ATXN7: variants seen among roughly 807,000 people sequenced by gnomAD.
ATXN7 encodes the protein ataxin-7.
Under a neutral mutation model 70.5 loss-of-function variants are expected in ATXN7, and 12 were observed. The ratio of observed to expected loss-of-function variants is 0.17; its 90% CI spans 0.11 to 0.28. The LOEUF is 0.28. ATXN7 is among the 10% of genes least tolerant of loss of function. ATXN7 has a pLI of 1.00. For missense variants in ATXN7, 1,256 were observed against 1,131.7 expected (o/e 1.11, Z -1.58); for synonymous variants, 498 against 448.7 (o/e 1.11, Z -1.39).
At chr3:63,990,707 A>T (rs1483941288) in intron 10 of ATXN7, 31 bp from the exon 11 acceptor site, 25 of 1,613,920 alleles carry the variant, frequency 1.5e-5, no homozygotes, top group Non-Finnish European at 1.9e-5. Flanking sequence ...TGTGGGAGTC[A>T]GCAAGCACGC....
rs527676419 is a variant in ATXN7 at position 63,995,710 on chromosome 3, G to A, written c.1888G>A (p.Ala630Thr). Reference protein sequence around the residue: ...AHGTTLNAQPAASGAMDPVCS... With the variant: ...AHGTTLNAQPTASGAMDPVCS... ...TGGAACCACACTAAATGCACAGCCT[G>A]CTGCTTCAGGGGCGATGGATCCTGT... The change falls in exon 12 of 13, where the codon GCT (alanine) becomes ACT (threonine). Residue 630 changes from alanine to threonine, a missense_variant. Ala to Thr is a moderately conservative substitution (Grantham distance 58). Coordinates refer to ENST00000674280, the MANE Select transcript of ATXN7 (RefSeq NM_001377405.1). The A allele has an allele frequency of 6.2e-7, 1 of 1,614,200 alleles. No individual in the cohort carries two copies. Among genetic ancestry groups the A allele is most frequent in the African/African-American group, 1.3e-5 (1 of 75,058 alleles).
intron 2 of ATXN7, chr3:63,900,861 C>T (rs1019981857): frequency 6.6e-6 from 1 of 152,298 alleles, no homozygotes; most frequent in Non-Finnish European, 1.5e-5. Context: ...AGAGGAGGCA[C>T]AAGTTCAAAA....
At chr3:63,874,353 T>C (rs1425388502) in intron 1 of ATXN7, among the ~76,000 whole-genome samples, 2 of 152,212 alleles carry the variant, frequency 1.3e-5, no homozygotes, top group African/African-American at 4.8e-5. Flanking sequence ...GCTAATACTT[T>C]AAAATACGCA....
intron 11 of ATXN7, among the ~76,000 whole-genome samples, chr3:63,992,120 C>T (rs1417054433): frequency 6.6e-6 from 1 of 152,176 alleles, no homozygotes; most frequent in Non-Finnish European, 1.5e-5. Flanking sequence ...TCTGCCAGTA[C>T]ATTCATTTGA....
At chr3:63,997,840 A>G in intron 12 of ATXN7, 1 of 985,094 alleles carries the variant, frequency 1.0e-6, no homozygotes, top group Non-Finnish European at 1.2e-6. Context: ...TGGGTGAATT[A>G]ACACCCATTG....
chr3:63,869,047 G>A (rs1702519623), intron 1 of ATXN7, among the ~76,000 whole-genome samples: 1 of 152,144 alleles, frequency 6.6e-6, no homozygotes, highest in Non-Finnish European at 1.5e-5. Flanking sequence ...TGTGAGATAC[G>A]TAAATAAAAT....
chr3:63,867,964 C>T, intron 1 of ATXN7, among the ~76,000 whole-genome samples: 1 of 152,154 alleles, frequency 6.6e-6, no homozygotes, highest in East Asian at 1.9e-4. Flanking sequence ...ATTTTATTCC[C>T]ACAACAAAGC....
At chr3:63,930,931 C>A (rs1270505295) in intron 4 of ATXN7, among the ~76,000 whole-genome samples, 1 of 152,132 alleles carries the variant, frequency 6.6e-6, no homozygotes, top group African/African-American at 2.4e-5. Context: ...TGTGAAGATA[C>A]AATAAGAACT....
intron 5 of ATXN7, among the ~76,000 whole-genome samples, chr3:63,962,642 T>C (rs2075149477): frequency 6.6e-6 from 1 of 151,872 alleles, no homozygotes; most frequent in African/African-American, 2.4e-5. Context: ...TGACCTCAAG[T>C]CATCTGCCTG....
chr3:63,864,220 A>T (rs1373675986), intron 1 of ATXN7, among the ~76,000 whole-genome samples, 62 bp downstream of exon 1: 2 of 149,052 alleles, frequency 1.3e-5, no homozygotes, highest in South Asian at 2.1e-4. Context: ...GGCCGCCCGC[A>T]GTCGGGGTCC....
At chr3:63,863,232 G>A, upstream of ATXN7, 1 of 158,786 alleles carries the variant, frequency 6.3e-6, no homozygotes, top group Non-Finnish European at 1.4e-5. Flanking sequence ...ACCCCTCCTG[G>A]TGTCACGCTC....
At chr3:63,990,024 A>C (rs991717628) in intron 9 of ATXN7, 152 bp from the exon 10 acceptor site, 30 of 678,548 alleles carry the variant, frequency 4.4e-5, no homozygotes, top group Admixed American at 1.8e-4. Flanking sequence ...CTTTACTCCC[A>C]AGCCACCTGG....
intron 5 of ATXN7, among the ~76,000 whole-genome samples, chr3:63,958,714 CTT>C (rs1351494087): frequency 1.3e-5 from 2 of 152,096 alleles, no homozygotes; most frequent in African/African-American, 4.8e-5. Flanking sequence ...CTAATGATAA[CTT>C]TTAATAGTAC....
At chr3:63,935,270 AG>A (rs2074638950) in intron 4 of ATXN7, among the ~76,000 whole-genome samples, 1 of 152,134 alleles carries the variant, frequency 6.6e-6, no homozygotes, top group Non-Finnish European at 1.5e-5. Context: ...GTGGCTACCA[AG>A]GGGAGCACTG....
rs369927243 is a variant in ATXN7, at chr3:63,982,158, C to G, written c.753-28C>G. 9 of 1,613,558 alleles carry G rather than the reference C, an allele frequency of 5.6e-6. No individual in the cohort carries two copies. In the African/African-American group the frequency reaches 1.2e-4, roughly 22 times the overall value. On this transcript the variant is annotated intron_variant, in intron 6 of 12. Coordinates refer to ENST00000674280, the MANE Select transcript of ATXN7 (RefSeq NM_001377405.1). ...TGGGGGCTGCTGAGGCACTCAGGCA[C>G]TGGTTTTCTCACTTCCTCCTGTGAC...
At chr3:63,878,877 C>T (rs762623975) in intron 1 of ATXN7, among the ~76,000 whole-genome samples, 18 of 152,122 alleles carry the variant, frequency 1.2e-4, no homozygotes, top group Non-Finnish European at 2.5e-4. Flanking sequence ...GGAATATTCT[C>T]CTCTCTGACT....
intron 4 of ATXN7, among the ~76,000 whole-genome samples, chr3:63,914,497 C>G (rs182580153): frequency 6.6e-6 from 1 of 152,172 alleles, no homozygotes; most frequent in African/African-American, 2.4e-5. Flanking sequence ...TATGAAAAAT[C>G]AGTTGCTAGT....
intron 1 of ATXN7, among the ~76,000 whole-genome samples, chr3:63,884,796 T>C (rs1476069874): frequency 6.6e-6 from 1 of 151,936 alleles, no homozygotes; most frequent in Non-Finnish European, 1.5e-5. Context: ...ACTACAGGTG[T>C]GTGCCACCAT....
chr3:63,990,977 C>T (rs1462954185), intron 11 of ATXN7, 118 bp downstream of exon 11: 69 of 1,481,236 alleles, frequency 4.7e-5, no homozygotes, highest in Non-Finnish European at 6.4e-5. Context: ...TGGCCTTTGG[C>T]CCTGAGAAGA....
Sources: gnomAD v4.1 joint callset for allele counts (sites outside exome capture counted in the v4.1 genomes callset) on GRCh38, gnomAD v4.1.1 for gene constraint, MANE v1.5 for transcripts, NCBI Gene and HGNC (gene_info 2026-07-23, HGNC 2026-07-21) for gene names.